Variants in FRMPD4 observed in about 807,000 individuals in gnomAD.
The protein encoded by FRMPD4 is FERM and PDZ domain-containing protein 4.
FRMPD4 carries 22 observed loss-of-function variants against 94.1 expected under a neutral mutation model. That is an observed-to-expected ratio of 0.23 (90% CI 0.17 to 0.33). The LOEUF is 0.33. FRMPD4 is among the 10% of genes least tolerant of loss of function. FRMPD4 has a pLI of 1.00. For synonymous variants in FRMPD4, 631 were observed against 548.6 expected (o/e 1.15, Z -2.10); for missense variants, 1,111 against 1,339.9 (o/e 0.83, Z 2.67).
chrX:12,034,238 A>G (rs767271132), intron 3 of FRMPD4, among the ~76,000 whole-genome samples: 3 of 112,312 alleles, frequency 2.7e-5, no homozygotes, highest in Non-Finnish European at 5.6e-5. Flanking sequence ...GAGACGGGGT[A>G]AGAATTGGTC....
chrX:12,130,939 A>G (rs1400903376), intron 3 of FRMPD4, among the ~76,000 whole-genome samples: 1 of 112,357 alleles, frequency 8.9e-6, no homozygotes, highest in Non-Finnish European at 1.9e-5. Context: ...ATATTGTTAC[A>G]GGGTATGTCA....
intron 1 of FRMPD4, among the ~76,000 whole-genome samples, chrX:11,845,558 C>T (rs1283163953): frequency 9.3e-6 from 1 of 107,480 alleles, no homozygotes; most frequent in East Asian, 2.9e-4. Context: ...ATACCAAAGC[C>T]GGGCAGAGAC....
chrX:12,607,543 T>C (rs1002303009), intron 2 of FRMPD4, among the ~76,000 whole-genome samples: 1 of 111,835 alleles, frequency 8.9e-6, no homozygotes, highest in East Asian at 2.8e-4. Context: ...TTTCTGCAAA[T>C]TATCTAATGT....
At chrX:11,992,123 C>T (rs2147397982) in intron 3 of FRMPD4, among the ~76,000 whole-genome samples, 1 of 93,961 alleles carries the variant, frequency 1.1e-5, no homozygotes, top group African/African-American at 3.9e-5. Context: ...TGTTTGCACG[C>T]AGGCACCTAA....
chrX:12,422,102 A>G (rs2056891126), intron 1 of FRMPD4, among the ~76,000 whole-genome samples: 1 of 112,399 alleles, frequency 8.9e-6, no homozygotes, highest in Non-Finnish European at 1.9e-5. Flanking sequence ...TTAATCATGA[A>G]TTATAAGTGA....
chrX:12,250,068 G>A (rs868759587), intron 1 of FRMPD4, among the ~76,000 whole-genome samples: 1 of 81,673 alleles, frequency 1.2e-5, no homozygotes, highest in Non-Finnish European at 2.4e-5. Flanking sequence ...GTGTGTTTGT[G>A]TGTTTGTGTG....
intron 2 of FRMPD4, chrX:12,583,569 G>C: frequency 1.3e-6 from 1 of 746,934 alleles, no homozygotes; most frequent in Non-Finnish European, 2.0e-6. Context: ...GCGCAAGCCA[G>C]GCCTAACCGC....
chrX:11,911,307 C>T (rs1049401595), intron 3 of FRMPD4, among the ~76,000 whole-genome samples: 2 of 112,287 alleles, frequency 1.8e-5, no homozygotes, highest in African/African-American at 6.5e-5. Context: ...TGTCTCTGTA[C>T]ATATGTTTGG....
At chrX:11,999,935 A>G (rs1207562314) in intron 3 of FRMPD4, among the ~76,000 whole-genome samples, 4 of 111,781 alleles carry the variant, frequency 3.6e-5, no homozygotes, top group Non-Finnish European at 5.6e-5. Context: ...TTTCCTTGTC[A>G]CCACATCAAG....
At chrX:12,368,107 C>G (rs934943957) in intron 1 of FRMPD4, among the ~76,000 whole-genome samples, 1 of 112,061 alleles carries the variant, frequency 8.9e-6, no homozygotes, top group African/African-American at 3.2e-5. Context: ...TTGGCTTTTC[C>G]CCTGGGAGAC....
intron 8 of FRMPD4, among the ~76,000 whole-genome samples, chrX:12,690,871 A>G (rs2060073028): frequency 8.9e-6 from 1 of 112,020 alleles, no homozygotes; most frequent in Non-Finnish European, 1.9e-5. Context: ...CAGGCTGCTT[A>G]GCTGCTGAAT....
intron 2 of FRMPD4, among the ~76,000 whole-genome samples, chrX:12,517,030 T>C (rs1342789972): frequency 9.1e-6 from 1 of 109,752 alleles, no homozygotes; most frequent in Non-Finnish European, 1.9e-5. Context: ...TGTGAAGTTC[T>C]TGTGTTGTGT....
At chrX:12,614,466 C>T (rs111969343) in intron 3 of FRMPD4, among the ~76,000 whole-genome samples, 21 of 110,597 alleles carry the variant, frequency 1.9e-4, no homozygotes, top group African/African-American at 6.3e-4. Context: ...TATCTCACCC[C>T]GCACCCCCGC....
rs1285646403 is a variant in FRMPD4 at position 12,583,514 on chromosome X, G to A, written c.159-26207G>A. ...CACGGCAGAATATTTCTACGTGCCGGGAGCGTTCCCATATTATGATCCTCA... is the reference window on the plus strand; with the variant it reads ...CACGGCAGAATATTTCTACGTGCCGAGAGCGTTCCCATATTATGATCCTCA... On this transcript the variant is annotated intron_variant, in intron 2 of 16. Coordinates refer to ENST00000675598, the MANE Select transcript of FRMPD4 (RefSeq NM_001368397.1). The A allele has an allele frequency of 3.6e-6, 4 of 1,102,624 alleles. No individual in the cohort carries two copies. In the African/African-American group the frequency reaches 7.2e-5, roughly 20 times the overall value. 90.9% of individuals were successfully genotyped at this position (1,102,624 alleles called of 1,213,427 possible).
intron 1 of FRMPD4, among the ~76,000 whole-genome samples, chrX:11,834,087 C>T (rs775601233): frequency 1.8e-5 from 2 of 111,455 alleles, no homozygotes; most frequent in South Asian, 7.6e-4. Flanking sequence ...CTGACTAGTA[C>T]GCCTCTCTTT....
chrX:12,160,068 G>GTGT (rs1555927313), intron 1 of FRMPD4, among the ~76,000 whole-genome samples: 1 of 100,050 alleles, frequency 1.0e-5, no homozygotes, highest in African/African-American at 3.7e-5. Flanking sequence ...GATGTTGAGG[G>GTGT]GTGTGTGTGT....
At chrX:12,395,061 G>C (rs187962198) in intron 1 of FRMPD4, among the ~76,000 whole-genome samples, 1 of 112,464 alleles carries the variant, frequency 8.9e-6, no homozygotes, top group East Asian at 2.8e-4. Context: ...TTATCTGGCT[G>C]TGTTGACAAA....
chrX:12,149,966 A>G (rs1448208599), intron 1 of FRMPD4, among the ~76,000 whole-genome samples: 2 of 112,439 alleles, frequency 1.8e-5, no homozygotes, highest in East Asian at 5.5e-4. Context: ...TTAGATGATC[A>G]TTAGCATATT....
At chrX:12,071,645 C>T (rs1392652127) in intron 3 of FRMPD4, among the ~76,000 whole-genome samples, 1 of 111,636 alleles carries the variant, frequency 9.0e-6, no homozygotes, top group Non-Finnish European at 1.9e-5. Flanking sequence ...TACACTAATG[C>T]TGCATAATCT....
Sources: gnomAD v4.1 joint callset for allele counts (sites outside exome capture counted in the v4.1 genomes callset) on GRCh38, gnomAD v4.1.1 for gene constraint, MANE v1.5 for transcripts, NCBI Gene and HGNC (gene_info 2026-07-23, HGNC 2026-07-21) for gene names.